The following ARHGAP8 variants were observed in gnomAD, a reference collection of about 807,000 sequenced individuals.
The protein encoded by ARHGAP8 is rho GTPase-activating protein 8.
In ARHGAP8, 62 loss-of-function variants were observed where a neutral mutation model predicts 46.1. The ratio of observed to expected loss-of-function variants is 1.34; its 90% CI spans 1.10 to 1.66. The LOEUF (loss-of-function observed/expected upper bound fraction) is 1.66. Ranked by LOEUF, ARHGAP8 falls within the 40% of genes most tolerant of loss-of-function variation. ARHGAP8 has a pLI of 0.00. For synonymous variants in ARHGAP8, 375 were observed against 243.1 expected, an observed-to-expected ratio of 1.54 and a Z score of -5.05; for missense variants, 923 against 568.4, an observed-to-expected ratio of 1.62 and a Z score of -6.34.
intron 2 of ARHGAP8, among the ~76,000 whole-genome samples, chr22:44,787,682 C>T (rs1452345206): frequency 6.6e-6 from 1 of 152,070 alleles, no homozygotes; most frequent in Non-Finnish European, 1.5e-5. Flanking sequence ...ATGCATTTCT[C>T]CCATGGGCAG....
At chr22:44,778,619 G>T (rs977948965) in intron 1 of ARHGAP8, among the ~76,000 whole-genome samples, 1 of 152,140 alleles carries the variant, frequency 6.6e-6, no homozygotes, top group Non-Finnish European at 1.5e-5. Context: ...TTCCATAGTG[G>T]TTGTGCTAGT....
At chr22:44,838,638 T>C (rs553508699) in intron 7 of ARHGAP8, among the ~76,000 whole-genome samples, 2 of 152,290 alleles carry the variant, frequency 1.3e-5, no homozygotes, top group African/African-American at 2.4e-5. Context: ...TTTCAGGAAC[T>C]CGTCCTCATA....
intron 1 of ARHGAP8, among the ~76,000 whole-genome samples, chr22:44,759,479 T>G (rs1047868315): frequency 6.6e-6 from 1 of 152,098 alleles, no homozygotes; most frequent in Non-Finnish European, 1.5e-5. Flanking sequence ...CATTAGCCCA[T>G]GTAGCTGCAA....
chr22:44,830,290 C>T (rs935984225), intron 7 of ARHGAP8, among the ~76,000 whole-genome samples: 1 of 151,988 alleles, frequency 6.6e-6, no homozygotes, highest in African/African-American at 2.4e-5. Context: ...TCCCAAAGTG[C>T]TGTGATTACA....
At chr22:44,809,378 T>C (rs958031910) in intron 4 of ARHGAP8, 35 of 361,862 alleles carry the variant, frequency 9.7e-5, no homozygotes, top group Non-Finnish European at 6.6e-5. Context: ...CTGCCCATTC[T>C]CCCACCCCTG....
chr22:44,809,262 C>G, intron 4 of ARHGAP8: 1 of 438,914 alleles, frequency 2.3e-6, no homozygotes, highest in Non-Finnish European at 4.8e-6. Context: ...TTTCACGTGT[C>G]ATGAAATATT....
chr22:44,821,917 A>AG (rs1555915484), intron 5 of ARHGAP8, among the ~76,000 whole-genome samples: 10 of 150,660 alleles, frequency 6.6e-5, no homozygotes, highest in Non-Finnish European at 1.5e-4. Flanking sequence ...CTCTCCTTAG[A>AG]AGAGGTGGCC....
chr22:44,789,965 A>C (rs1436654330), intron 2 of ARHGAP8, among the ~76,000 whole-genome samples: 1 of 152,228 alleles, frequency 6.6e-6, no homozygotes, highest in Non-Finnish European at 1.5e-5. Context: ...CAGAAAGTGC[A>C]TCTGTTACAA....
chr22:44,860,020 C>G (rs978128541), intron 11 of ARHGAP8, among the ~76,000 whole-genome samples, 186 bp downstream of exon 11: 2 of 37,690 alleles, frequency 5.3e-5, no homozygotes, highest in African/African-American at 7.0e-5. Context: ...CTGCTGCGGA[C>G]CTCCTGCCTG....
chr22:44,852,189 CAAAAAAAAAAA>C (rs58207915), intron 10 of ARHGAP8, among the ~76,000 whole-genome samples: 10 of 76,030 alleles, frequency 1.3e-4, no homozygotes, highest in Admixed American at 3.3e-4. Context: ...GAGACTTTGT[CAAAAAAAAAAA>C]AAAAAAAAAA....
Position 44,858,382 on chromosome 22 carries a change from T to TTTTTC in ARHGAP8, c.878-1347_878-1346insTTCTT, listed in dbSNP as rs1569184713. On this transcript the variant is annotated intron_variant, in intron 10 of 11. Coordinates refer to ENST00000356099, the MANE Select transcript of ARHGAP8 (RefSeq NM_181335.3). ...TGGTTGGTGGTGGTTTTTTTTTTTTTTTGAGATGGAGTTTCACTCTTGTTG... is the reference window on the plus strand; with the variant it reads ...TGGTTGGTGGTGGTTTTTTTTTTTTTTTTTCTTGAGATGGAGTTTCACTCTTGTTG... 6.6e-3 allele frequency among the ~76,000 whole-genome samples: 996 copies of TTTTTC among 151,702 alleles called. 17 individuals are homozygous for TTTTTC. Among genetic ancestry groups the TTTTTC allele is most frequent in the African/African-American group, 0.023 (957 of 41,368 alleles).
chr22:44,774,850 G>A (rs1479373226), intron 1 of ARHGAP8, among the ~76,000 whole-genome samples: 4 of 151,690 alleles, frequency 2.6e-5, no homozygotes, highest in African/African-American at 4.8e-5. Flanking sequence ...GGCGGGGGGC[G>A]GATGGAGTCT....
intron 1 of ARHGAP8, among the ~76,000 whole-genome samples, chr22:44,766,640 C>T (rs1349761514): frequency 3.3e-5 from 5 of 152,164 alleles, no homozygotes; most frequent in Non-Finnish European, 5.9e-5. Flanking sequence ...AAGACCCCGC[C>T]TGCCTGTCTT....
At position 44,862,261 on chromosome 22, in the gene ARHGAP8, G is replaced by T; in HGVS notation, c.982-14G>T. The T allele has an allele frequency of 6.3e-7, 1 of 1,577,410 alleles. No homozygotes were observed. On this transcript the variant is annotated splice_polypyrimidine_tract_variant and intron_variant, in intron 11 of 11. Transcript: ENST00000356099. ...GGTGTTCACTCCCCTTTACTTGTGT[G>T]TGGTTTCCTCCAGGTGTCCCGGGAG...
At chr22:44,858,972 C>T (rs2070332418) in intron 10 of ARHGAP8, among the ~76,000 whole-genome samples, 1 of 151,736 alleles carries the variant, frequency 6.6e-6, no homozygotes, top group Non-Finnish European at 1.5e-5. Context: ...CAAAAGCAGC[C>T]ACAGGCAATG....
At chr22:44,837,535 A>C (rs1035232713) in intron 7 of ARHGAP8, among the ~76,000 whole-genome samples, 4 of 152,190 alleles carry the variant, frequency 2.6e-5, no homozygotes, top group African/African-American at 9.7e-5. Context: ...ATTGAGATGC[A>C]CGAGATGAAC....
intron 1 of ARHGAP8, among the ~76,000 whole-genome samples, chr22:44,783,767 C>T (rs2349849): frequency 0.9 from 136,342 of 151,916 alleles, 61,354 homozygotes; most frequent in Non-Finnish European, 0.94. Context: ...CGTTGGCGGC[C>T]GGCTGTACCT....
At chr22:44,806,957 CA>C (rs565485539) in intron 3 of ARHGAP8, among the ~76,000 whole-genome samples, 261 of 113,018 alleles carry the variant, frequency 2.3e-3, no homozygotes, top group South Asian at 3.7e-3. Context: ...GACTCTGTCT[CA>C]AAAAAAAAAA....
At chr22:44,813,628 T>C (rs1660552566) in intron 4 of ARHGAP8, among the ~76,000 whole-genome samples, 1 of 151,012 alleles carries the variant, frequency 6.6e-6, no homozygotes, top group Non-Finnish European at 1.5e-5. Context: ...CTTACTTATA[T>C]CTACACACAC....
Sources: gnomAD v4.1 joint callset for allele counts (sites outside exome capture counted in the v4.1 genomes callset) on GRCh38, gnomAD v4.1.1 for gene constraint, MANE v1.5 for transcripts, NCBI Gene and HGNC (gene_info 2026-07-23, HGNC 2026-07-21) for gene names.